FAT3: variants seen among roughly 807,000 people sequenced by gnomAD.
FAT3 encodes FAT atypical cadherin 3.
Under a neutral mutation model 310.2 loss-of-function variants are expected in FAT3, and 95 were observed. That is an observed-to-expected ratio of 0.31 (90% confidence interval 0.26 to 0.36). The LOEUF is 0.36. Among genes scored for constraint, FAT3 ranks in the 10% least tolerant of loss-of-function variants. FAT3 has a pLI of 1.00. For synonymous variants in FAT3, 2,314 were observed against 2,192.9 expected (o/e 1.06, Z -1.54); for missense variants, 5,408 against 5,715.6 (o/e 0.95, Z 1.74).
In FAT3 at chr11:92,765,062, A is replaced by C. The variant is rs1333976094; in HGVS notation, c.4168A>C (p.Asn1390His). The change falls in exon 6 of 28, where the codon AAC (asparagine) becomes CAC (histidine). Residue 1390 changes from asparagine (N) to histidine (H), a missense_variant. Asn to His is a moderately conservative substitution (Grantham distance 68). Around this residue, in one of 5 missense-constraint regions of FAT3, gnomAD observed 4,588 missense variants for 4,809.8 expected, o/e 0.95. Coordinates refer to ENST00000525166, the MANE Select transcript of FAT3 (RefSeq NM_001367949.2). ...IVGVVSVQPA[N>H]TPLWFDIVGG... ...AGGGGTGGTGTCTGTGCAGCCAGCTAACACCCCTCTGTGGTTTGACATAGT... is the reference window on the plus strand; with the variant it reads ...AGGGGTGGTGTCTGTGCAGCCAGCTCACACCCCTCTGTGGTTTGACATAGT... 1.2e-6 allele frequency: 2 copies of C among 1,613,618 alleles called. No homozygotes were observed. Among genetic ancestry groups the C allele is most frequent in the Non-Finnish European group, 1.7e-6 (2 of 1,179,810 alleles).
chr11:92,872,944 C>T (rs1460659564), intron 22 of FAT3, among the ~76,000 whole-genome samples: 1 of 152,172 alleles, frequency 6.6e-6, no homozygotes, highest in Non-Finnish European at 1.5e-5. Context: ...TTTTCTCATA[C>T]TAATTGAGGC....
At chr11:92,369,400 A>G (rs1284696434) in intron 2 of FAT3, among the ~76,000 whole-genome samples, 1 of 152,132 alleles carries the variant, frequency 6.6e-6, no homozygotes, top group Admixed American at 6.5e-5. Context: ...ACCTGGTTAG[A>G]CCAGGTTTTA....
chr11:92,235,227 C>T (rs964684546), intron 1 of FAT3, among the ~76,000 whole-genome samples: 8 of 152,190 alleles, frequency 5.3e-5, no homozygotes, highest in African/African-American at 1.7e-4. Context: ...TTGTCTTCTG[C>T]AGCCCCTCTG....
chr11:92,783,030 G>A (rs1033894449), intron 7 of FAT3, among the ~76,000 whole-genome samples: 5 of 152,050 alleles, frequency 3.3e-5, no homozygotes, highest in Admixed American at 1.3e-4. Context: ...TTTTTCTTTC[G>A]TCTCCTTTTG....
intron 2 of FAT3, among the ~76,000 whole-genome samples, chr11:92,484,495 G>A (rs988721281): frequency 3.9e-5 from 6 of 152,128 alleles, no homozygotes; most frequent in Non-Finnish European, 7.3e-5. Flanking sequence ...AATCGTTCTG[G>A]GAAAGGGCGA....
intron 19 of FAT3, among the ~76,000 whole-genome samples, chr11:92,856,165 T>C (rs2136319945): frequency 6.6e-6 from 1 of 152,100 alleles, no homozygotes; most frequent in African/African-American, 2.4e-5. Flanking sequence ...TGCTTAATGA[T>C]AAGGAAAGAC....
At chr11:92,393,291 G>C (rs1389040787) in intron 2 of FAT3, among the ~76,000 whole-genome samples, 1 of 151,304 alleles carries the variant, frequency 6.6e-6, no homozygotes, top group Non-Finnish European at 1.5e-5. Context: ...TCTGGGGACT[G>C]GGGAGAGGTT....
chr11:92,359,557 C>T (rs528105673), intron 2 of FAT3, among the ~76,000 whole-genome samples: 2 of 150,524 alleles, frequency 1.3e-5, no homozygotes, highest in African/African-American at 2.5e-5. Context: ...TATACATGTG[C>T]CATGCTGGTG....
intron 22 of FAT3, among the ~76,000 whole-genome samples, chr11:92,874,781 C>T (rs895214428): frequency 6.6e-6 from 1 of 152,122 alleles, no homozygotes; most frequent in South Asian, 2.1e-4. Flanking sequence ...TCAGGTGATC[C>T]GCCCACCTTG....
At chr11:92,580,775 T>G (rs955021194) in intron 3 of FAT3, among the ~76,000 whole-genome samples, 1 of 152,094 alleles carries the variant, frequency 6.6e-6, no homozygotes, top group Non-Finnish European at 1.5e-5. Context: ...GCCATTGTGG[T>G]CTGGCCTTCT....
chr11:92,853,666 G>A (rs1039449789), intron 19 of FAT3, among the ~76,000 whole-genome samples: 8 of 152,214 alleles, frequency 5.3e-5, no homozygotes, highest in Admixed American at 3.9e-4. Flanking sequence ...GCCCCTTACT[G>A]CAGGCAGGTT....
Position 92,353,411 on chromosome 11 carries a change from G to C in FAT3, c.1299G>C (p.Arg433=), listed in dbSNP as rs749840160. The C allele has an allele frequency of 6.2e-7, 1 of 1,613,270 alleles. No homozygotes were observed. Among genetic ancestry groups the C allele is most frequent in the African/African-American group, 1.3e-5 (1 of 74,870 alleles). ...GGTCGGGTCTGATTGTTACAGCACG[G>C]CCACTGAATACTGTTAAGAAGGAGG... ...NPRSGLIVTA[R]PLNTVKKEVY... Residue 433 remains arginine (R), a synonymous_variant, in exon 2 of 28, where the codon CGG becomes CGC. Coordinates refer to ENST00000525166, the MANE Select transcript of FAT3 (RefSeq NM_001367949.2).
intron 13 of FAT3, among the ~76,000 whole-genome samples, chr11:92,813,488 A>G (rs1416126001): frequency 1.3e-5 from 2 of 152,212 alleles, no homozygotes; most frequent in African/African-American, 4.8e-5. Flanking sequence ...CAATGTTATC[A>G]CCTGTGCAGC....
chr11:92,567,191 GA>G (rs1247966802), intron 3 of FAT3, among the ~76,000 whole-genome samples: 2 of 40,932 alleles, frequency 4.9e-5, no homozygotes, highest in African/African-American at 1.4e-4. Context: ...AAATTTACAA[GA>G]AAAAAACAAA....
intron 1 of FAT3, among the ~76,000 whole-genome samples, chr11:92,349,934 A>G (rs931842888): frequency 6.6e-6 from 1 of 151,814 alleles, no homozygotes; most frequent in Middle Eastern, 3.4e-3. Context: ...CAGCATTTGC[A>G]TGCTCAGGGT....
chr11:92,562,206 A>G (rs1955250557), intron 3 of FAT3, among the ~76,000 whole-genome samples: 1 of 152,128 alleles, frequency 6.6e-6, no homozygotes, highest in African/African-American at 2.4e-5. Flanking sequence ...GGGTGTTTAT[A>G]TTCATATGCA....
chr11:92,347,267 C>G (rs1591145067), intron 1 of FAT3, among the ~76,000 whole-genome samples: 1 of 152,236 alleles, frequency 6.6e-6, no homozygotes, highest in East Asian at 1.9e-4. Context: ...CTTCCATTTG[C>G]AGTTTGAACA....
intron 26 of FAT3, among the ~76,000 whole-genome samples, chr11:92,889,610 T>G (rs1409207356): frequency 6.6e-6 from 1 of 152,200 alleles, no homozygotes; most frequent in African/African-American, 2.4e-5. Flanking sequence ...TGGATACTTA[T>G]TTCAACCACG....
At chr11:92,292,885 C>T (rs950653276) in intron 1 of FAT3, among the ~76,000 whole-genome samples, 2 of 151,930 alleles carry the variant, frequency 1.3e-5, no homozygotes, top group African/African-American at 4.8e-5. Flanking sequence ...TGCTGGTTCT[C>T]GCTTGTAGTC....
Sources: allele counts gnomAD v4.1 joint callset (sites outside exome capture counted in the v4.1 genomes callset), GRCh38; gene constraint gnomAD v4.1.1; regional missense constraint gnomAD v4.1.1; transcripts MANE v1.5; gene names NCBI Gene and HGNC (gene_info 2026-07-23, HGNC 2026-07-21).